The following METTL24 variants were observed in gnomAD, a reference collection of about 807,000 sequenced individuals.
The protein encoded by METTL24 is methyltransferase like 24.
Under a neutral mutation model 32.7 loss-of-function variants are expected in METTL24, and 29 were observed. The observed-to-expected ratio is 0.89, with a 90% CI of 0.66 to 1.21. METTL24 has a LOEUF of 1.21. Among genes scored for constraint, METTL24 ranks in the 50% most tolerant of loss-of-function variants. The pLI is 0.00. For synonymous variants in METTL24, 163 were observed against 179.5 expected, an observed-to-expected ratio of 0.91 and a Z score of 0.73; for missense variants, 439 against 468.1, an observed-to-expected ratio of 0.94 and a Z score of 0.57.
intron 4 of METTL24, among the ~76,000 whole-genome samples, chr6:110,275,765 A>G (rs1293766113): frequency 4.6e-5 from 7 of 152,152 alleles, no homozygotes; most frequent in Non-Finnish European, 1.0e-4. Flanking sequence ...AAAAAATTCA[A>G]TCTCTCTTCT....
At chr6:110,346,233 A>G (rs1772470133) in intron 1 of METTL24, among the ~76,000 whole-genome samples, 1 of 152,214 alleles carries the variant, frequency 6.6e-6, no homozygotes, top group African/African-American at 2.4e-5. Context: ...GATAGAAACA[A>G]CCATTCTTTC....
At chr6:110,323,625 G>A (rs1179502511) in intron 1 of METTL24, among the ~76,000 whole-genome samples, 1 of 152,158 alleles carries the variant, frequency 6.6e-6, no homozygotes, top group African/African-American at 2.4e-5. Context: ...CAGTAAAAAG[G>A]GGGCACTAGT....
At chr6:110,252,155 C>T (rs1778293157) in intron 4 of METTL24, among the ~76,000 whole-genome samples, 2 of 151,776 alleles carry the variant, frequency 1.3e-5, no homozygotes, top group African/African-American at 4.8e-5. Context: ...AAAAACAAAA[C>T]AAAAAAAACC....
chr6:110,270,184 T>C (rs905297451), intron 4 of METTL24, among the ~76,000 whole-genome samples: 2 of 152,132 alleles, frequency 1.3e-5, no homozygotes, highest in African/African-American at 4.8e-5. Flanking sequence ...GTTTTATGGG[T>C]TGTCAACCAG....
intron 1 of METTL24, among the ~76,000 whole-genome samples, chr6:110,356,141 C>T (rs1772692485): frequency 6.6e-6 from 1 of 152,144 alleles, no homozygotes; most frequent in Non-Finnish European, 1.5e-5. Context: ...AAGCCCCACT[C>T]TTAAGAAACA....
At chr6:110,265,162 AAAGAAAGAAAGAAAGAAAG>A (rs1007289818) in intron 4 of METTL24, among the ~76,000 whole-genome samples, 4 of 149,430 alleles carry the variant, frequency 2.7e-5, no homozygotes, top group Admixed American at 2.7e-4. Flanking sequence ...AGAAAGAAAG[AAAGAAAGAAAGAAAGAAAG>A]AAAGAAAGAA....
chr6:110,276,931 A>G (rs1421587577), intron 4 of METTL24, among the ~76,000 whole-genome samples: 1 of 152,218 alleles, frequency 6.6e-6, no homozygotes, highest in Non-Finnish European at 1.5e-5. Context: ...GATAAGAAGA[A>G]TGACAATCCT....
At chr6:110,262,446 A>T (rs1052203229) in intron 4 of METTL24, among the ~76,000 whole-genome samples, 12 of 152,238 alleles carry the variant, frequency 7.9e-5, no homozygotes, top group African/African-American at 2.9e-4. Context: ...ATAGACCAAT[A>T]ACAGGCTCTG....
At chr6:110,317,709 G>A (rs563093038) in intron 2 of METTL24, among the ~76,000 whole-genome samples, 2 of 152,110 alleles carry the variant, frequency 1.3e-5, no homozygotes, top group East Asian at 3.9e-4. Flanking sequence ...ATGTTTGCAG[G>A]ACCTTGCTCA....
At chr6:110,261,624 C>T (rs1199400870) in intron 4 of METTL24, among the ~76,000 whole-genome samples, 4 of 152,180 alleles carry the variant, frequency 2.6e-5, no homozygotes, top group Non-Finnish European at 5.9e-5. Context: ...ACCTAATAGA[C>T]ATCTACAGAA....
At chr6:110,259,601 C>G (rs144484760) in intron 4 of METTL24, among the ~76,000 whole-genome samples, 1 of 152,374 alleles carries the variant, frequency 6.6e-6, no homozygotes, top group East Asian at 1.9e-4. Flanking sequence ...CTCTGTCTGA[C>G]AGCTTTGAAG....
intron 4 of METTL24, among the ~76,000 whole-genome samples, chr6:110,274,923 C>T (rs1014948807): frequency 2.0e-5 from 3 of 151,142 alleles, no homozygotes; most frequent in African/African-American, 4.9e-5. Flanking sequence ...CTTAGCCTCC[C>T]GAGGATCTAA....
intron 4 of METTL24, among the ~76,000 whole-genome samples, chr6:110,284,043 C>G (rs7771378): frequency 0.17 from 26,382 of 152,136 alleles, 5,322 homozygotes; most frequent in African/African-American, 0.49. Context: ...AAAAGGAAGG[C>G]AGTTCTGGCA....
At position 110,245,833 on chromosome 6, in the gene METTL24, C is replaced by T. The variant is rs1395485360; in HGVS notation, c.*113G>A. The T allele has an allele frequency of 8.4e-6, 9 of 1,074,868 alleles. No homozygotes were observed. Among genetic ancestry groups the T allele is most frequent in the Non-Finnish European group, 1.2e-5 (9 of 739,852 alleles). 66.6% of individuals were successfully genotyped at this position (1,074,868 alleles called of 1,614,324 possible). A position where few individuals can be genotyped will look rare whatever the true frequency, so the allele number is the denominator to read the frequency against. ...CATGCCCGCAATAACACACTCCCTG[C>T]CTCAAGCAGGGCACAGGCTAGCAGG... is the stretch of plus-strand genomic sequence containing the variant. On this transcript the variant is annotated 3_prime_UTR_variant, in exon 5 of 5. Coordinates refer to ENST00000338882, the MANE Select transcript of METTL24 (RefSeq NM_001123364.3).
chr6:110,298,756 C>A (rs1771465249), intron 4 of METTL24, among the ~76,000 whole-genome samples, 166 bp downstream of exon 4: 2 of 152,190 alleles, frequency 1.3e-5, no homozygotes, highest in African/African-American at 2.4e-5. Flanking sequence ...TCCTTGCCAA[C>A]ACTTTATGTC....
intron 2 of METTL24, among the ~76,000 whole-genome samples, 168 bp from the exon 3 acceptor site, chr6:110,315,649 T>C (rs1013903476): frequency 6.6e-6 from 1 of 152,144 alleles, no homozygotes; most frequent in Non-Finnish European, 1.5e-5. Flanking sequence ...ATAAAGTGTT[T>C]GGAGAAATTT....
At chr6:110,271,572 C>G (rs1172102179) in intron 4 of METTL24, among the ~76,000 whole-genome samples, 1 of 151,986 alleles carries the variant, frequency 6.6e-6, no homozygotes, top group African/African-American at 2.4e-5. Flanking sequence ...AAATTTTCAC[C>G]CACACATACA....
intron 1 of METTL24, among the ~76,000 whole-genome samples, chr6:110,336,901 C>A (rs1772246281): frequency 1.3e-5 from 2 of 152,036 alleles, no homozygotes; most frequent in African/African-American, 4.8e-5. Context: ...TAATATTCAA[C>A]CCATCAATCG....
intron 1 of METTL24, among the ~76,000 whole-genome samples, chr6:110,331,023 G>A (rs1399892761): frequency 6.6e-6 from 1 of 152,198 alleles, no homozygotes; most frequent in Non-Finnish European, 1.5e-5. Flanking sequence ...TGAAGTAAAG[G>A]TGGACATGCT....
Sources: allele counts gnomAD v4.1 joint callset (sites outside exome capture counted in the v4.1 genomes callset), GRCh38; gene constraint gnomAD v4.1.1; transcripts MANE v1.5; gene names NCBI Gene and HGNC (gene_info 2026-07-23, HGNC 2026-07-21).